Variants in BRWD1 observed in about 807,000 individuals in gnomAD.
BRWD1 encodes bromodomain and WD repeat domain containing 1, also known as bromodomain and WD repeat-containing protein 1.
A neutral mutation model predicts 251.2 loss-of-function variants in BRWD1; 82 were observed. The ratio of observed to expected loss-of-function variants is 0.33; its 90% confidence interval spans 0.27 to 0.39. BRWD1 has a LOEUF of 0.39. BRWD1 is among the 10% of genes least tolerant of loss of function. The pLI is 1.00. For synonymous variants in BRWD1, 918 were observed against 902.8 expected (o/e 1.02, Z -0.30); for missense variants, 2,233 against 2,711.6 (o/e 0.82, Z 3.92).
Position 39,194,591 on chromosome 21 carries a change from T to C in BRWD1, c.*1668A>G. 6.7e-7 allele frequency: 1 copy of C among 1,483,084 alleles called. No homozygotes were observed. Among genetic ancestry groups the C allele is most frequent in the Non-Finnish European group, 8.9e-7 (1 of 1,121,310 alleles). The allele number at this position is 1,483,084 out of a possible 1,614,324, so 91.9% of individuals were successfully genotyped here. ...AGTTGATAATGTCCAAAAACATCCT[T>C]CCCCATGCATCAGAGTAGAAAGAAA... is the stretch of plus-strand genomic sequence containing the variant. On this transcript the variant is annotated 3_prime_UTR_variant, in exon 41 of 41. Coordinates refer to ENST00000342449, the MANE Select transcript of BRWD1 (RefSeq NM_033656.4).
At chr21:39,314,072 TCGGAA>T, upstream of BRWD1, 1 of 455,904 alleles carries the variant, frequency 2.2e-6, no homozygotes, top group Middle Eastern at 3.3e-4. Context: ...TCCGGGTCGC[TCGGAA>T]GGGTCATTTC....
Position 39,280,169 on chromosome 21 carries a change from TC to T in BRWD1, c.910del (p.Asp304IlefsTer2), listed in dbSNP as rs1387455973. On this transcript the variant is annotated frameshift_variant, in exon 9 of 41. Transcript: ENST00000342449. LOFTEE classifies it high-confidence loss of function. ...ADGTVCFWQW[D>X]LESLKFSPRP... is the part of the protein sequence containing the mutation. ...TTACCTAAATTTTAAGGATTCTAAA[TC>T]CCATTGCCAAAAGCAAACTGTCCCA... 1 of 1,604,994 alleles carries T rather than the reference TC, an allele frequency of 6.2e-7. No homozygotes were observed. The highest frequency in any genetic ancestry group is 8.5e-7 in the Non-Finnish European group (1 of 1,177,380).
Position 39,195,792 on chromosome 21 carries a change from C to G in BRWD1, c.*467G>C, listed in dbSNP as rs748993353. The G allele has an allele frequency of 2.0e-6, 2 of 985,634 alleles. No homozygotes were observed. Among genetic ancestry groups the G allele is most frequent in the Non-Finnish European group, 2.4e-6 (2 of 830,148 alleles). The allele number at this position is 985,634 out of a possible 1,614,324, so 61.1% of individuals were successfully genotyped here. A position where few individuals can be genotyped will look rare whatever the true frequency, so the allele number is the denominator to read the frequency against. On this transcript the variant is annotated 3_prime_UTR_variant, in exon 41 of 41. Transcript: ENST00000342449. ...TCGCCTACTAATCATGGTTACACCT[C>G]CCATGATTATAGTGTCAGTATGCAT...
rs113450027 is a variant in BRWD1 at position 39,273,950 on chromosome 21, T to A, written c.1244+424A>T. On this transcript the variant is annotated intron_variant, in intron 13 of 40. Transcript: ENST00000342449. Reference sequence around the variant, plus strand: ...GCTCAATTTTCTTTTTTAACCTTAATAATAAAGTATGTTTGCTTACCCTAT... The same window carrying A: ...GCTCAATTTTCTTTTTTAACCTTAAAAATAAAGTATGTTTGCTTACCCTAT... Among the ~76,000 whole-genome samples, 602 of 152,332 alleles carry A rather than the reference T, an allele frequency of 4.0e-3. 7 individuals carry two copies. The highest frequency in any genetic ancestry group is 0.014 in the African/African-American group (589 of 41,582).
chr21:39,250,920 T>C (rs771222139), intron 19 of BRWD1, 31 bp from the exon 20 acceptor site: 1 of 1,324,502 alleles, frequency 7.6e-7, no homozygotes, highest in Non-Finnish European at 1.1e-6. Context: ...TTATATTAAC[T>C]ACTGAACTGA....
At chr21:39,220,849 A>G (rs1165658005) in intron 29 of BRWD1, among the ~76,000 whole-genome samples, 2 of 152,162 alleles carry the variant, frequency 1.3e-5, no homozygotes, top group Admixed American at 1.3e-4. Context: ...ATATAAATAT[A>G]TAAGATAAAA....
Position 39,207,852 on chromosome 21 carries a change from T to C in BRWD1, c.4198-1578A>G, listed in dbSNP as rs1006343806. ...TAAAGTTCTGATACATGCTACAACA[T>C]GCATAAGCCTTTAAGGCATTACACT... On this transcript the variant is annotated intron_variant, in intron 36 of 40. Coordinates refer to ENST00000342449, the MANE Select transcript of BRWD1 (RefSeq NM_033656.4). 4.6e-5 allele frequency among the ~76,000 whole-genome samples: 7 copies of C among 152,326 alleles called. No homozygotes were observed. The East Asian group carries it at 7.7e-4, about 17-fold the overall frequency.
rs576015851 is a variant in BRWD1, at chr21:39,214,793, TTA to T, written c.3785+442_3785+443del. 4.1e-3 allele frequency among the ~76,000 whole-genome samples: 620 copies of T among 152,074 alleles called. 1 individual carries two copies. Among genetic ancestry groups the T allele is most frequent in the Middle Eastern group, 0.01 (3 of 294 alleles). On this transcript the variant is annotated intron_variant, in intron 32 of 40. Transcript: ENST00000342449. ...TCAGTTTCTCAGACTTTTACTTAAA[TTA>T]TGTATGTAAAGAAATGTCATCTAAA...
intron 31 of BRWD1, 32 bp from the exon 32 acceptor site, chr21:39,215,394 G>T: frequency 6.3e-7 from 1 of 1,585,982 alleles, no homozygotes. Flanking sequence ...TTAGGGCTTA[G>T]AAAATGAGAA....
intron 8 of BRWD1, among the ~76,000 whole-genome samples, chr21:39,287,249 A>G (rs974639183): frequency 2.0e-5 from 3 of 152,180 alleles, no homozygotes; most frequent in Admixed American, 6.5e-5. Flanking sequence ...AGGCTCACAC[A>G]TTACACTAAC....
At chr21:39,197,652 C>T (rs1324213261) in intron 40 of BRWD1, among the ~76,000 whole-genome samples, 1 of 152,100 alleles carries the variant, frequency 6.6e-6, no homozygotes, top group Non-Finnish European at 1.5e-5. Context: ...TTACACAAAC[C>T]TTACAGTACA....
In BRWD1 at chr21:39,195,883, G is replaced by C; in HGVS notation, c.*376C>G. On this transcript the variant is annotated 3_prime_UTR_variant, in exon 41 of 41. Coordinates refer to ENST00000342449, the MANE Select transcript of BRWD1 (RefSeq NM_033656.4). ...TGTAACTACTATAGAACAGGGGTTA[G>C]AAACTACTGCCTCTTTGACAAATTC... 1.2e-5 allele frequency: 12 copies of C among 1,000,460 alleles called. No individual in the cohort carries two copies. The highest frequency in any genetic ancestry group is 1.4e-5 in the Non-Finnish European group (12 of 840,410). The allele number at this position is 1,000,460 out of a possible 1,614,324, so 62.0% of individuals were successfully genotyped here.
At position 39,186,248 on chromosome 21, in the gene BRWD1, A is replaced by G. The variant is rs2031225940; in HGVS notation, c.*10011T>C. The stretch of plus-strand genomic sequence containing the variant: ...GGCATTTCTGTAAATGCTGCTACAT[A>G]CAAGTAAAAATAAGGAAAAGCCGTG... On this transcript the variant is annotated 3_prime_UTR_variant, in exon 41 of 41. Coordinates refer to ENST00000342449, the MANE Select transcript of BRWD1 (RefSeq NM_033656.4). 3 of 152,228 alleles carry G rather than the reference A, an allele frequency of 2.0e-5. No individual in the cohort carries two copies. Among genetic ancestry groups the G allele is most frequent in the Admixed American group, 6.5e-5 (1 of 15,290 alleles). 9.4% of individuals were successfully genotyped at this position (152,228 alleles called of 1,614,324 possible). A position where few individuals can be genotyped will look rare whatever the true frequency, so the allele number is the denominator to read the frequency against.
chr21:39,293,703 T>C (rs1346450325), intron 8 of BRWD1, 108 bp downstream of exon 8: 6 of 832,062 alleles, frequency 7.2e-6, no homozygotes, highest in Non-Finnish European at 9.3e-6. Flanking sequence ...TTCTCTTACT[T>C]AAAACATAAC....
intron 39 of BRWD1, among the ~76,000 whole-genome samples, 186 bp downstream of exon 39, chr21:39,200,033 G>A (rs74816701): frequency 2.0e-5 from 3 of 152,350 alleles, no homozygotes; most frequent in East Asian, 1.9e-4. Context: ...GATTATAGGC[G>A]TGAGCCACCG....
rs773792734 is a variant in BRWD1, at chr21:39,277,253, T to C, written c.1102A>G (p.Thr368Ala). ...PEKIAELESH[T>A]DKVDSIQFCN... Reference sequence around the variant, plus strand: ...GATTTTAAAACGTGGATGCTTACAGTGTGGCTTTCAAGTTCTGCGATTTTT... The same window carrying C: ...GATTTTAAAACGTGGATGCTTACAGCGTGGCTTTCAAGTTCTGCGATTTTT... The change falls in exon 11 of 41, where the codon ACT becomes GCT. Residue 368 changes from threonine to alanine, a missense_variant and splice_region_variant. Transcript: ENST00000342449. The C allele has an allele frequency of 1.1e-5, 18 of 1,601,498 alleles. No individual in the cohort carries two copies. The highest frequency in any genetic ancestry group is 1.5e-5 in the Non-Finnish European group (17 of 1,170,260).
intron 4 of BRWD1, among the ~76,000 whole-genome samples, chr21:39,307,661 CTT>C (rs1175656422): frequency 6.6e-6 from 1 of 152,162 alleles, no homozygotes; most frequent in Admixed American, 6.5e-5. Flanking sequence ...TAGGCTATGA[CTT>C]GGAACTTGGG....
At chr21:39,255,873 T>A in intron 18 of BRWD1, 45 bp from the exon 19 acceptor site, 1 of 1,541,470 alleles carries the variant, frequency 6.5e-7, no homozygotes, top group Non-Finnish European at 8.9e-7. Context: ...ACTTTTAAAC[T>A]AATATACATT....
chr21:39,205,865 C>T (rs1248959595), intron 37 of BRWD1, among the ~76,000 whole-genome samples: 2 of 151,594 alleles, frequency 1.3e-5, no homozygotes, highest in Admixed American at 6.6e-5. Context: ...GGATCACCTG[C>T]GGTCAGGAGT....
Sources: allele counts gnomAD v4.1 joint callset (sites outside exome capture counted in the v4.1 genomes callset), GRCh38; gene constraint gnomAD v4.1.1; transcripts MANE v1.5; gene names NCBI Gene and HGNC (gene_info 2026-07-23, HGNC 2026-07-21).